Variants in IL1RAPL1 observed in about 807,000 individuals in gnomAD.
The protein encoded by IL1RAPL1 is interleukin-1 receptor accessory protein-like 1.
In IL1RAPL1, 3 loss-of-function variants were observed where a neutral mutation model predicts 48.4. The ratio of observed to expected loss-of-function variants is 0.06; its 90% CI spans 0.03 to 0.16. IL1RAPL1 has a LOEUF of 0.16. Ranked by LOEUF, IL1RAPL1 falls within the 10% of genes least tolerant of loss-of-function variation. IL1RAPL1 has a pLI of 1.00. For synonymous variants in IL1RAPL1, 185 were observed against 187.7 expected, an observed-to-expected ratio of 0.99 and a Z score of 0.12; for missense variants, 349 against 530.6, an observed-to-expected ratio of 0.66 and a Z score of 3.36.
chrX:28,860,660 T>C (rs991083141), intron 2 of IL1RAPL1, among the ~76,000 whole-genome samples: 2 of 109,827 alleles, frequency 1.8e-5, no homozygotes, highest in African/African-American at 6.6e-5. Flanking sequence ...GGTTTCACCA[T>C]GTTGGCCAGG....
intron 5 of IL1RAPL1, among the ~76,000 whole-genome samples, chrX:29,463,340 C>T (rs1210241547): frequency 9.0e-6 from 1 of 111,587 alleles, no homozygotes; most frequent in Non-Finnish European, 1.9e-5. Context: ...AAATGACTTT[C>T]GAAAGTGGTA....
At chrX:29,114,934 T>C (rs189349875) in intron 2 of IL1RAPL1, among the ~76,000 whole-genome samples, 10 of 111,710 alleles carry the variant, frequency 9.0e-5, no homozygotes, top group African/African-American at 3.2e-4. Context: ...AGCCTATTTG[T>C]TTTTCCAATT....
At chrX:28,673,385 T>A (rs1159338442) in intron 1 of IL1RAPL1, among the ~76,000 whole-genome samples, 1 of 111,782 alleles carries the variant, frequency 8.9e-6, no homozygotes, top group Non-Finnish European at 1.9e-5. Flanking sequence ...CCCAAAACTA[T>A]AAAAACCCTG....
At chrX:29,582,382 TA>T (rs1241558910) in intron 5 of IL1RAPL1, among the ~76,000 whole-genome samples, 2 of 106,382 alleles carry the variant, frequency 1.9e-5, no homozygotes, top group Non-Finnish European at 3.8e-5. Context: ...TTTTTATTTT[TA>T]TTTTTATTTT....
intron 6 of IL1RAPL1, among the ~76,000 whole-genome samples, chrX:29,846,275 T>G (rs979832090): frequency 4.5e-5 from 5 of 111,294 alleles, no homozygotes; most frequent in African/African-American, 1.6e-4. Context: ...TACAGAAACC[T>G]TACTTGTTCA....
intron 3 of IL1RAPL1, among the ~76,000 whole-genome samples, chrX:29,334,160 C>T (rs1204925485): frequency 2.6e-5 from 2 of 76,806 alleles, no homozygotes; most frequent in African/African-American, 5.7e-5. Context: ...GCAGAGGCGC[C>T]CCTCACCTCC....
At chrX:29,033,196 GAATATA>G (rs1163945097) in intron 2 of IL1RAPL1, among the ~76,000 whole-genome samples, 12 of 111,176 alleles carry the variant, frequency 1.1e-4, no homozygotes, top group Admixed American at 8.7e-4. Context: ...ATGCAGTATG[GAATATA>G]AATATAAATA....
chrX:29,505,199 C>T (rs745743755), intron 5 of IL1RAPL1, among the ~76,000 whole-genome samples: 1 of 111,874 alleles, frequency 8.9e-6, no homozygotes, highest in Non-Finnish European at 1.9e-5. Flanking sequence ...TTTATATTGC[C>T]TATCTCTTAA....
intron 2 of IL1RAPL1, among the ~76,000 whole-genome samples, chrX:29,106,386 T>A (rs972909985): frequency 4.6e-4 from 51 of 111,375 alleles, no homozygotes; most frequent in African/African-American, 1.6e-3. Flanking sequence ...ATTCATTCTT[T>A]CCTTTTCTTT....
chrX:29,002,805 C>CT (rs1925887453), intron 2 of IL1RAPL1, among the ~76,000 whole-genome samples: 1 of 110,552 alleles, frequency 9.0e-6, no homozygotes, highest in Non-Finnish European at 1.9e-5. Flanking sequence ...TTTTATTTTT[C>CT]TTTTTTTGTG....
chrX:28,607,527 G>GA (rs34698236), intron 1 of IL1RAPL1, among the ~76,000 whole-genome samples: 3 of 110,570 alleles, frequency 2.7e-5, no homozygotes, highest in Admixed American at 1.9e-4. Context: ...TCAACCACCA[G>GA]AAAAAAAGGT....
At chrX:28,609,820 C>T (rs1046963970) in intron 1 of IL1RAPL1, among the ~76,000 whole-genome samples, 1 of 110,798 alleles carries the variant, frequency 9.0e-6, no homozygotes, top group Non-Finnish European at 1.9e-5. Flanking sequence ...GTCCCCCGAC[C>T]CCACTCAACC....
At chrX:29,188,048 C>T (rs1404475135) in intron 2 of IL1RAPL1, among the ~76,000 whole-genome samples, 1 of 111,948 alleles carries the variant, frequency 8.9e-6, no homozygotes, top group Non-Finnish European at 1.9e-5. Flanking sequence ...AAAGTAAGAG[C>T]TAAGTAAGCA....
intron 2 of IL1RAPL1, among the ~76,000 whole-genome samples, chrX:29,010,385 C>A (rs1043067395): frequency 9.0e-6 from 1 of 111,439 alleles, no homozygotes; most frequent in Non-Finnish European, 1.9e-5. Flanking sequence ...GTAGGTTTGT[C>A]ATAGATGTCT....
intron 5 of IL1RAPL1, among the ~76,000 whole-genome samples, chrX:29,433,826 T>C (rs898905815): frequency 4.5e-5 from 5 of 110,198 alleles, no homozygotes; most frequent in Admixed American, 9.7e-5. Flanking sequence ...TTTTTGTCAT[T>C]TTTTTTTACT....
chrX:29,338,488 A>C (rs192217344), intron 3 of IL1RAPL1, among the ~76,000 whole-genome samples: 14 of 112,221 alleles, frequency 1.2e-4, no homozygotes, highest in Admixed American at 3.8e-4. Flanking sequence ...ATTTTTAAAA[A>C]TGTTGCTTTT....
intron 6 of IL1RAPL1, among the ~76,000 whole-genome samples, chrX:29,723,469 G>A (rs990627261): frequency 9.0e-6 from 1 of 111,601 alleles, no homozygotes; most frequent in Admixed American, 9.5e-5. Context: ...GGCTGGTCTC[G>A]AACTCCTGGC....
chrX:29,425,476 G>C (rs752656393), intron 5 of IL1RAPL1, among the ~76,000 whole-genome samples: 1 of 111,603 alleles, frequency 9.0e-6, no homozygotes, highest in African/African-American at 3.3e-5. Context: ...ATCTTTGTAG[G>C]CCCAGGTTTC....
chrX:29,783,995 A>T (rs1929429249), intron 6 of IL1RAPL1, among the ~76,000 whole-genome samples: 1 of 111,827 alleles, frequency 8.9e-6, no homozygotes, highest in African/African-American at 3.2e-5. Flanking sequence ...ACATAGAGTA[A>T]CCATTTACAG....
Sources: allele counts gnomAD v4.1 joint callset (sites outside exome capture counted in the v4.1 genomes callset), GRCh38; gene constraint gnomAD v4.1.1; transcripts MANE v1.5; gene names NCBI Gene and HGNC (gene_info 2026-07-23, HGNC 2026-07-21).